SEC24D: variants seen among roughly 807,000 people sequenced by gnomAD.
SEC24D encodes SEC24 homolog D, COPII component.
In SEC24D, 69 loss-of-function variants were observed where a neutral mutation model predicts 116.9. That is an observed-to-expected ratio of 0.59 (90% CI 0.49 to 0.72). The LOEUF (loss-of-function observed/expected upper bound fraction) is 0.72, where lower values mean the gene tolerates loss of function less well. Ranked by LOEUF, SEC24D falls within the 30% of genes least tolerant of loss-of-function variation. SEC24D has a pLI of 0.00. For synonymous variants in SEC24D, 405 were observed against 442.8 expected, an observed-to-expected ratio of 0.91 and a Z score of 1.07; for missense variants, 1,131 against 1,264.1, an observed-to-expected ratio of 0.89 and a Z score of 1.60.
At chr4:118,727,940 C>T (rs1334232961) in intron 22 of SEC24D, among the ~76,000 whole-genome samples, 1 of 152,028 alleles carries the variant, frequency 6.6e-6, no homozygotes, top group Non-Finnish European at 1.5e-5. Flanking sequence ...AGACACGTGC[C>T]TCCAGCTGAG....
chr4:118,759,282 G>C (rs1727254050), intron 10 of SEC24D, among the ~76,000 whole-genome samples: 1 of 152,136 alleles, frequency 6.6e-6, no homozygotes, highest in Non-Finnish European at 1.5e-5. Flanking sequence ...AGATTTGGCT[G>C]TTCCTTTTCC....
intron 13 of SEC24D, among the ~76,000 whole-genome samples, chr4:118,749,506 C>T (rs1395139674): frequency 6.6e-6 from 1 of 152,090 alleles, no homozygotes; most frequent in Non-Finnish European, 1.5e-5. Context: ...CTTGAATACA[C>T]GATAAGAAAG....
intron 19 of SEC24D, among the ~76,000 whole-genome samples, chr4:118,733,652 T>C (rs550365476): frequency 2.5e-4 from 38 of 152,316 alleles, no homozygotes; most frequent in African/African-American, 9.1e-4. Context: ...TGCAGTACTA[T>C]AGATTAAAAA....
intron 6 of SEC24D, among the ~76,000 whole-genome samples, chr4:118,807,728 T>C (rs1729735631): frequency 6.6e-6 from 1 of 152,216 alleles, no homozygotes; most frequent in Non-Finnish European, 1.5e-5. Flanking sequence ...ACTGGTTTTA[T>C]GAAATGTTGA....
At position 118,752,904 on chromosome 4, in the gene SEC24D, A is replaced by AG. The variant is rs777261705; in HGVS notation, c.1422-17_1422-16insC. On this transcript the variant is annotated splice_polypyrimidine_tract_variant and intron_variant, in intron 11 of 22. Coordinates refer to ENST00000280551, the MANE Select transcript of SEC24D (RefSeq NM_014822.4). ...TTGCTCTTCCCTGTAAGGAAAAAAA[A>AG]AAGTGTTTGAGATGCTTTATAAATT... 1.2e-5 allele frequency: 18 copies of AG among 1,538,742 alleles called. No homozygotes were observed. In the African/African-American group the frequency reaches 2.6e-4, roughly 22 times the overall value.
At chr4:118,795,111 T>C (rs1013525099) in intron 8 of SEC24D, among the ~76,000 whole-genome samples, 10 of 152,160 alleles carry the variant, frequency 6.6e-5, no homozygotes, top group South Asian at 2.1e-4. Flanking sequence ...TTGTTTATGT[T>C]TTACTTATTT....
chr4:118,816,702 GC>G, intron 4 of SEC24D: 1 of 356,156 alleles, frequency 2.8e-6, no homozygotes, highest in Non-Finnish European at 5.5e-6. Context: ...TAGATAAATG[GC>G]CGACTGTGCT....
intron 3 of SEC24D, among the ~76,000 whole-genome samples, chr4:118,823,253 A>G (rs909566046): frequency 3.3e-5 from 5 of 152,142 alleles, no homozygotes; most frequent in African/African-American, 9.7e-5. Context: ...TTAATGACCT[A>G]CCCTCTGCAT....
intron 8 of SEC24D, among the ~76,000 whole-genome samples, chr4:118,772,766 G>C (rs1479405960): frequency 2.0e-5 from 3 of 152,204 alleles, no homozygotes; most frequent in African/African-American, 7.2e-5. Context: ...GCACACGGCA[G>C]TACACTGCGA....
At chr4:118,791,521 C>T (rs1474859894) in intron 8 of SEC24D, among the ~76,000 whole-genome samples, 1 of 149,658 alleles carries the variant, frequency 6.7e-6, no homozygotes, top group African/African-American at 2.4e-5. Flanking sequence ...TCTCCCTACT[C>T]CCTACTCCCT....
intron 22 of SEC24D, 74 bp downstream of exon 22, chr4:118,728,487 T>C (rs1481220110): frequency 7.4e-6 from 6 of 812,430 alleles, no homozygotes; most frequent in Non-Finnish European, 1.2e-5. Flanking sequence ...CATAAAAATA[T>C]AGGGTGTGCA....
intron 4 of SEC24D, among the ~76,000 whole-genome samples, chr4:118,815,964 G>C (rs1484979735): frequency 6.6e-6 from 1 of 152,014 alleles, no homozygotes; most frequent in South Asian, 2.1e-4. Flanking sequence ...CTCTGTCACT[G>C]AGGCTGCAAT....
intron 8 of SEC24D, among the ~76,000 whole-genome samples, chr4:118,786,618 A>G (rs1390472727): frequency 6.6e-6 from 1 of 152,258 alleles, no homozygotes; most frequent in Non-Finnish European, 1.5e-5. Context: ...ATTGCTAAGA[A>G]GCCTTTTCAA....
chr4:118,789,462 A>C (rs1728796035), intron 8 of SEC24D, among the ~76,000 whole-genome samples: 2 of 152,228 alleles, frequency 1.3e-5, no homozygotes, highest in Non-Finnish European at 2.9e-5. Context: ...TAACTCCATT[A>C]ATCGGTTCCT....
chr4:118,791,522 C>T (rs998912551), intron 8 of SEC24D, among the ~76,000 whole-genome samples: 1 of 149,622 alleles, frequency 6.7e-6, no homozygotes, highest in Admixed American at 6.7e-5. Flanking sequence ...CTCCCTACTC[C>T]CTACTCCCTC....
intron 6 of SEC24D, 100 bp downstream of exon 6, chr4:118,814,928 T>C: frequency 7.6e-7 from 1 of 1,315,492 alleles, no homozygotes; most frequent in Non-Finnish European, 1.1e-6. Flanking sequence ...TCCTAACTTC[T>C]ATGCTAATGA....
intron 7 of SEC24D, among the ~76,000 whole-genome samples, chr4:118,802,989 C>G (rs1001399499): frequency 6.6e-6 from 1 of 152,126 alleles, no homozygotes; most frequent in Admixed American, 6.5e-5. Context: ...ATAAACCAGA[C>G]AGAAAAGGGC....
chr4:118,810,033 A>G (rs1729836600), intron 6 of SEC24D, among the ~76,000 whole-genome samples: 1 of 146,086 alleles, frequency 6.8e-6, no homozygotes, highest in Non-Finnish European at 1.5e-5. Context: ...TGCTGGTCAA[A>G]GTGGGTGGAG....
chr4:118,810,118 GT>G lies in SEC24D; in HGVS notation c.802-4165del, dbSNP rs769823104. Reference sequence around the variant, plus strand: ...TGTGTGTGTGTGTGTGTGTGTGTGTGTGTGTGTGTGTGTGTGTGTCAGAGGG... The same window carrying G: ...TGTGTGTGTGTGTGTGTGTGTGTGTGGTGTGTGTGTGTGTGTGTCAGAGGG... On this transcript the variant is annotated intron_variant, in intron 6 of 22. Transcript: ENST00000280551. 1.4e-3 allele frequency among the ~76,000 whole-genome samples: 212 copies of G among 148,444 alleles called. 2 individuals are homozygous for G. Among genetic ancestry groups the G allele is most frequent in the Middle Eastern group, 6.8e-3 (2 of 292 alleles).
Sources: allele counts gnomAD v4.1 joint callset (sites outside exome capture counted in the v4.1 genomes callset), GRCh38; gene constraint gnomAD v4.1.1; transcripts MANE v1.5; gene names NCBI Gene and HGNC (gene_info 2026-07-23, HGNC 2026-07-21).